ALG8: variants seen among roughly 807,000 people sequenced by gnomAD.
ALG8 encodes the protein dolichyl pyrophosphate Glc1Man9GlcNAc2 alpha-1,3-glucosyltransferase.
ALG8 carries 48 observed loss-of-function variants against 70.2 expected under a neutral mutation model. The observed-to-expected ratio is 0.68, with a 90% CI of 0.54 to 0.87. ALG8 has a LOEUF of 0.87. Among genes scored for constraint, ALG8 ranks in the 40% least tolerant of loss-of-function variants. The pLI is 0.00. For missense variants in ALG8, 572 were observed against 608.7 expected (o/e 0.94, Z 0.64); for synonymous variants, 234 against 229.0 (o/e 1.02, Z -0.20).
rs1365924210 is a variant in ALG8 at position 78,106,885 on chromosome 11, G to A, written c.1100C>T (p.Thr367Ile). 1 of 1,614,116 alleles carries A rather than the reference G, an allele frequency of 6.2e-7. No individual in the cohort carries two copies. Among genetic ancestry groups the A allele is most frequent in the East Asian group, 2.2e-5 (1 of 44,876 alleles). The change falls in exon 10 of 13, where the codon ACT (threonine) becomes ATT (isoleucine). Residue 367 changes from threonine (T) to isoleucine (I), a missense_variant. Thr to Ile is a moderately conservative substitution (Grantham distance 89). Coordinates refer to ENST00000299626, the MANE Select transcript of ALG8 (RefSeq NM_024079.5). ...QGPRGFLRCL[T>I]LCALSSFMFG... ...CATAAAGGAGCTCAAGGCACAAAGAGTTAGACATCGGAGAAAGCCTCTGGG... is the reference window on the plus strand; with the variant it reads ...CATAAAGGAGCTCAAGGCACAAAGAATTAGACATCGGAGAAAGCCTCTGGG...
At chr11:78,115,863 T>G (rs1475098199) in intron 5 of ALG8, among the ~76,000 whole-genome samples, 1 of 152,180 alleles carries the variant, frequency 6.6e-6, no homozygotes, top group African/African-American at 2.4e-5. Flanking sequence ...CCTCACAGTT[T>G]CAGAATAGCT....
At chr11:78,124,331 G>A in intron 2 of ALG8, 117 bp from the exon 3 acceptor site, 2 of 1,041,354 alleles carry the variant, frequency 1.9e-6, no homozygotes, top group Non-Finnish European at 2.9e-6. Context: ...GGCTGGGCGT[G>A]GTAGCTCACA....
In ALG8 at chr11:78,121,141, A is replaced by C; in HGVS notation, c.402T>G (p.Gly134=). ...ATTTTGGCTTTTCTGTAAGTTCTTT[A>C]CCCACTTTTTTTCCATCAATGCATT... is the stretch of plus-strand genomic sequence containing the variant. ...CCKCIDGKKV[G]KELTEKPKFI... is the part of the protein sequence containing the mutation. Residue 134 remains glycine, a synonymous_variant, in exon 4 of 13, where the codon GGT becomes GGG. Transcript: ENST00000299626. 6.2e-7 allele frequency: 1 copy of C among 1,613,838 alleles called. No individual in the cohort carries two copies. Among genetic ancestry groups the C allele is most frequent in the Non-Finnish European group, 8.5e-7 (1 of 1,179,950 alleles).
chr11:78,124,145 C>T lies in ALG8; in HGVS notation c.244G>A (p.Ala82Thr). The T allele has an allele frequency of 6.2e-7, 1 of 1,614,104 alleles. No individual in the cohort carries two copies. Among genetic ancestry groups the T allele is most frequent in the Non-Finnish European group, 8.5e-7 (1 of 1,180,024 alleles). The change falls in exon 3 of 13, where the codon GCC (alanine) becomes ACC (threonine). Residue 82 changes from alanine to threonine, a missense_variant. Coordinates refer to ENST00000299626, the MANE Select transcript of ALG8 (RefSeq NM_024079.5). ...AGCATTTCTTGATCAAAATATTTGG[C>T]AACATGTGACAGGATATACTCAAAC... The part of the protein sequence containing the change: ...AWFEYILSHV[A>T]KYFDQEMLNV...
At chr11:78,120,806 G>C (rs758330356) in intron 4 of ALG8, among the ~76,000 whole-genome samples, 6 of 152,146 alleles carry the variant, frequency 3.9e-5, no homozygotes, top group Non-Finnish European at 5.9e-5. Context: ...TCTAAAAATA[G>C]TTCACAATCT....
intron 5 of ALG8, among the ~76,000 whole-genome samples, chr11:78,118,709 C>T (rs1160036669): frequency 3.3e-5 from 5 of 150,654 alleles, no homozygotes; most frequent in Non-Finnish European, 4.4e-5. Context: ...TTTGGGAGGC[C>T]GAGGCAGGAG....
At chr11:78,109,361 T>C in intron 9 of ALG8, 81 bp downstream of exon 9, 4 of 1,579,408 alleles carry the variant, frequency 2.5e-6, no homozygotes, top group South Asian at 1.1e-5. Flanking sequence ...TTGGAAGAGC[T>C]TGAAAGTTGA....
intron 5 of ALG8, chr11:78,114,636 G>A: frequency 3.7e-6 from 2 of 537,158 alleles, no homozygotes; most frequent in Non-Finnish European, 6.7e-6. Context: ...AACTTTTCTG[G>A]AAAGCTAAAA....
intron 5 of ALG8, chr11:78,114,692 G>T (rs557671483): frequency 1.1e-3 from 479 of 429,990 alleles, no homozygotes; most frequent in Non-Finnish European, 1.2e-3. Context: ...TAGGCTAAGT[G>T]TGGTGACTCA....
chr11:78,127,035 A>G, intron 2 of ALG8, among the ~76,000 whole-genome samples: 1 of 151,800 alleles, frequency 6.6e-6, no homozygotes, highest in East Asian at 1.9e-4. Flanking sequence ...GCTGGAGTGC[A>G]GTGGCGCGAT....
chr11:78,123,401 T>C (rs1290292190), intron 3 of ALG8, among the ~76,000 whole-genome samples: 1 of 150,846 alleles, frequency 6.6e-6, no homozygotes, highest in Non-Finnish European at 1.5e-5. Context: ...TGGAAGTCAC[T>C]GTGCAAGACA....
chr11:78,107,324 G>A (rs184798218), intron 9 of ALG8, among the ~76,000 whole-genome samples: 1 of 148,654 alleles, frequency 6.7e-6, no homozygotes, highest in South Asian at 2.1e-4. Context: ...GGGTTCAAGC[G>A]ATTTTCCTGC....
chr11:78,128,231 T>C (rs682592), intron 1 of ALG8, among the ~76,000 whole-genome samples: 33,181 of 152,158 alleles, frequency 0.22, 4,479 homozygotes, highest in African/African-American at 0.38. Flanking sequence ...AAGGATCACC[T>C]ATCTTTAGAA....
At chr11:78,117,985 G>A (rs1296953128) in intron 5 of ALG8, among the ~76,000 whole-genome samples, 1 of 147,650 alleles carries the variant, frequency 6.8e-6, no homozygotes, top group Non-Finnish European at 1.5e-5. Flanking sequence ...GCGGGAGAAT[G>A]GCGTGAACCC....
At chr11:78,136,925 G>C (rs7131182) in intron 1 of ALG8, among the ~76,000 whole-genome samples, 67,927 of 149,890 alleles carry the variant, frequency 0.45, 15,468 homozygotes, top group Non-Finnish European at 0.46. Context: ...TTTTGAGACA[G>C]AGTTTCACTC....
chr11:78,114,950 T>A (rs1332813829), intron 5 of ALG8, among the ~76,000 whole-genome samples: 1 of 152,160 alleles, frequency 6.6e-6, no homozygotes, highest in Non-Finnish European at 1.5e-5. Flanking sequence ...CACTCCAACT[T>A]GGGTGACAGA....
In ALG8 at chr11:78,109,508, G is replaced by C. The variant is rs1565347351; in HGVS notation, c.972C>G (p.Phe324Leu). 2.5e-6 allele frequency: 4 copies of C among 1,614,140 alleles called. No homozygotes were observed. The highest frequency in any genetic ancestry group is 2.2e-5 in the East Asian group (1 of 44,886). The change falls in exon 9 of 13, where the codon TTC (phenylalanine) becomes TTG (leucine). Residue 324 changes from phenylalanine to leucine, a missense_variant. By Grantham distance (22) the Phe-to-Leu change is conservative. Transcript: ENST00000299626. ...ASMTSGLVQQFQHTVLPSVTP... is the reference protein window; with the variant it reads ...ASMTSGLVQQLQHTVLPSVTP... The stretch of plus-strand genomic sequence containing the variant: ...TCACTGAGGGAAGGACTGTGTGTTG[G>C]AACTGCTGAACCAAACCACTTGTCA...
At chr11:78,109,344 C>T in intron 9 of ALG8, 98 bp downstream of exon 9, 1 of 1,510,776 alleles carries the variant, frequency 6.6e-7, no homozygotes, top group Non-Finnish European at 9.2e-7. Context: ...TGAAATTTAT[C>T]CTACAGTTGG....
chr11:78,137,346 A>T (rs1861596621), intron 1 of ALG8: 1 of 152,212 alleles, frequency 6.6e-6, no homozygotes, highest in Admixed American at 6.5e-5. Flanking sequence ...CCACTAAAAC[A>T]TTCTCCATAT....
Sources: gnomAD v4.1 joint callset for allele counts (sites outside exome capture counted in the v4.1 genomes callset) on GRCh38, gnomAD v4.1.1 for gene constraint, MANE v1.5 for transcripts, NCBI Gene and HGNC (gene_info 2026-07-23, HGNC 2026-07-21) for gene names.